Variants in MYH8 observed in about 807,000 individuals in gnomAD.
The protein encoded by MYH8 is myosin heavy chain 8, also known as myosin-8.
MYH8 carries 168 observed loss-of-function variants against 233.2 expected under a neutral mutation model. The observed-to-expected ratio is 0.72, with a 90% confidence interval of 0.64 to 0.82. The LOEUF is 0.82. Ranked by LOEUF, MYH8 falls within the 40% of genes least tolerant of loss-of-function variation. The pLI is 0.00. For synonymous variants in MYH8, 785 were observed against 850.6 expected (o/e 0.92, Z 1.34); for missense variants, 1,995 against 2,327.8 (o/e 0.86, Z 2.94).
Position 10,392,526 on chromosome 17 carries a change from A to T in MYH8, c.5568+16T>A. On this transcript the variant is annotated intron_variant, in intron 38 of 39. Transcript: ENST00000403437. Reference sequence around the variant, plus strand: ...GGGCAGGAAGAGTGGATATTCTGGAAGGCTATTCCCTTTACCTGGTAGGTG... The same window carrying T: ...GGGCAGGAAGAGTGGATATTCTGGATGGCTATTCCCTTTACCTGGTAGGTG... 6.2e-7 allele frequency: 1 copy of T among 1,605,672 alleles called. No individual in the cohort carries two copies. Among genetic ancestry groups the T allele is most frequent in the Non-Finnish European group, 8.5e-7 (1 of 1,172,306 alleles).
chr17:10,415,262 G>T lies in MYH8; in HGVS notation c.741+30C>A. On this transcript the variant is annotated intron_variant, in intron 8 of 39. Transcript: ENST00000403437. This position sits in a 1 kb window ranked among gnomAD's most constrained non-coding sequence, Gnocchi z 4.1. ...TAATAATTCAGACGTGGCTACTCTG[G>T]AAGTTAGGGGTTGAGACCAAGAGAC... is the stretch of plus-strand genomic sequence containing the variant. The T allele has an allele frequency of 6.2e-7, 1 of 1,608,020 alleles. No individual in the cohort carries two copies. The highest frequency in any genetic ancestry group is 8.5e-7 in the Non-Finnish European group (1 of 1,174,450).
At position 10,400,756 on chromosome 17, in the gene MYH8, T is replaced by C. The variant is rs2072132486; in HGVS notation, c.3369A>G (p.Glu1123=). 1 of 1,614,182 alleles carries C rather than the reference T, an allele frequency of 6.2e-7. No homozygotes were observed. The highest frequency in any genetic ancestry group is 1.3e-5 in the African/African-American group (1 of 75,058). Residue 1123 remains glutamate (E), a synonymous_variant, in exon 27 of 40, where the codon GAA becomes GAG. Coordinates refer to ENST00000403437, the MANE Select transcript of MYH8 (RefSeq NM_002472.3). The surrounding 1 kb of genome is among the most constrained non-coding windows in gnomAD (Gnocchi z 4.0). The part of the protein sequence containing the change: ...ELQARIEELG[E]EIEAERASRA... ...GGGACGCCCTCTCTGCCTCGATTTC[T>C]TCCCCCAGCTCCTCAATGCGGGCCT...
chr17:10,391,941 C>T lies in MYH8; in HGVS notation c.5605G>A (p.Asp1869Asn). Residue 1869 changes from aspartate (D) to asparagine (N), a missense_variant, in exon 39 of 40, where the codon GAC becomes AAC. Transcript: ENST00000403437. ...TTCGCCTGTAATTTATCTACCAAGT[C>T]CTGCAGCCTGAGAACATTCTTGCGA... The part of the protein sequence containing the change: ...EDRKNVLRLQ[D>N]LVDKLQAKVK... 1 of 1,614,178 alleles carries T rather than the reference C, an allele frequency of 6.2e-7. No individual in the cohort carries two copies.
intron 22 of MYH8, 54 bp downstream of exon 22, chr17:10,404,276 T>A (rs1188333976): frequency 2.5e-6 from 4 of 1,609,810 alleles, no homozygotes; most frequent in Non-Finnish European, 2.5e-6. Flanking sequence ...AAAGTATATG[T>A]GTGTTTCAAA....
At position 10,409,676 on chromosome 17, in the gene MYH8, A is replaced by T. The variant is rs1404627607; in HGVS notation, c.1588-88T>A. The T allele has an allele frequency of 3.3e-6, 5 of 1,523,492 alleles. No individual in the cohort carries two copies. In the African/African-American group the frequency reaches 6.8e-5, roughly 21 times the overall value. The allele number at this position is 1,523,492 out of a possible 1,614,324, so 94.4% of individuals were successfully genotyped here. ...GCTGTCATTTGATTGAATTATGAGC[A>T]CCCCAATTAAATATATGTATGAAAT... On this transcript the variant is annotated intron_variant, in intron 15 of 39. Transcript: ENST00000403437.
At chr17:10,393,235 T>G (rs1481031142) in intron 35 of MYH8, 25 bp from the exon 36 acceptor site, 7 of 1,614,062 alleles carry the variant, frequency 4.3e-6, no homozygotes, top group Non-Finnish European at 5.1e-6. Context: ...CGTGGAAATT[T>G]ACAAAATTTG....
intron 21 of MYH8, among the ~76,000 whole-genome samples, chr17:10,404,886 T>C (rs1394601451): frequency 6.6e-6 from 1 of 152,134 alleles, no homozygotes; most frequent in African/African-American, 2.4e-5. Flanking sequence ...AGAGTGACTT[T>C]AGGGGTGAAT....
rs376148823 is a variant in MYH8 at position 10,414,173 on chromosome 17, A to G, written c.1008+19T>C. The G allele has an allele frequency of 8.1e-6, 13 of 1,611,978 alleles. No homozygotes were observed. Among genetic ancestry groups the G allele is most frequent in the Middle Eastern group, 1.6e-4 (1 of 6,084 alleles). ...TTTCCATACATAATGGATTTTTAAA[A>G]TTAGTGTTTTTGACTTACATCAGTG... On this transcript the variant is annotated intron_variant, in intron 11 of 39. Transcript: ENST00000403437.
In MYH8 at chr17:10,404,579, T is replaced by C. The variant is rs1317249599; in HGVS notation, c.2439A>G (p.Ala813=). 6.8e-6 allele frequency: 11 copies of C among 1,613,884 alleles called. No individual in the cohort carries two copies. The highest frequency in any genetic ancestry group is 9.3e-6 in the Non-Finnish European group (11 of 1,179,880). Residue 813 remains alanine (A), a synonymous_variant, in exon 22 of 40, where the codon GCA becomes GCG. Coordinates refer to ENST00000403437, the MANE Select transcript of MYH8 (RefSeq NM_002472.3). ...GGACATTATACTGGATGCAGAAAAGTGCTTCTCTGCGATGACATGAAAATA... is the reference window on the plus strand; with the variant it reads ...GGACATTATACTGGATGCAGAAAAGCGCTTCTCTGCGATGACATGAAAATA... The part of the protein sequence containing the change: ...EYQKMLQRRE[A]LFCIQYNVRA...
chr17:10,402,376 G>A (rs563813280), intron 22 of MYH8, among the ~76,000 whole-genome samples: 2 of 152,198 alleles, frequency 1.3e-5, no homozygotes, highest in African/African-American at 4.8e-5. Flanking sequence ...CTTCCTGGTA[G>A]TTCATACAGT....
At position 10,406,483 on chromosome 17, in the gene MYH8, T is replaced by G. The variant is rs1218060610; in HGVS notation, c.2172-86A>C. 3.2e-6 allele frequency: 5 copies of G among 1,574,650 alleles called. No individual in the cohort carries two copies. The African/African-American group carries it at 5.4e-5, about 17-fold the overall frequency. On this transcript the variant is annotated intron_variant, in intron 19 of 39. Coordinates refer to ENST00000403437, the MANE Select transcript of MYH8 (RefSeq NM_002472.3). ...CACCAAAAAGAAATATCAACAAACA[T>G]CTGAGAGTAGAAATAAAAGTGGAAA...
chr17:10,400,502 T>G lies in MYH8; in HGVS notation c.3623A>C (p.Glu1208Ala). 2 of 1,614,192 alleles carry G rather than the reference T, an allele frequency of 1.2e-6. No individual in the cohort carries two copies. Among genetic ancestry groups the G allele is most frequent in the Non-Finnish European group, 1.7e-6 (2 of 1,180,038 alleles). ...KHADSMAELG[E>A]QIDNLQRVKQ... ...GACCCGCTGCAAGTTGTCAATCTGC[T>G]CCCCAAGCTCAGCCATACTGTCTGC... Residue 1208 changes from glutamate to alanine, a missense_variant, in exon 27 of 40, where the codon GAG (glutamate) becomes GCG (alanine). Physicochemically the swap from Glu to Ala is moderately radical, Grantham distance 107. This residue lies in a region of MYH8 where 1,498 missense variants were observed against 1,680.9 expected (regional missense o/e 0.89). Coordinates refer to ENST00000403437, the MANE Select transcript of MYH8 (RefSeq NM_002472.3). The surrounding 1 kb of genome is among the most constrained non-coding windows in gnomAD (Gnocchi z 4.0).
rs369923394 is a variant in MYH8 at position 10,398,533 on chromosome 17, C to T, written c.4089G>A (p.Ala1363=). 3.7e-6 allele frequency: 6 copies of T among 1,614,154 alleles called. No individual in the cohort carries two copies. Among genetic ancestry groups the T allele is most frequent in the Admixed American group, 1.7e-5 (1 of 60,022 alleles). ...EQEGKAELQR[A]LSKANSEVAQ... ...CAACCTCACTGTTGGCCTTGGACAG[C>T]GCCCTCTGCAGCTCAGCTTTGCCTT... is the stretch of plus-strand genomic sequence containing the variant. The change falls in exon 30 of 40, where the codon GCG becomes GCA. Residue 1363 remains alanine, a synonymous_variant. Coordinates refer to ENST00000403437, the MANE Select transcript of MYH8 (RefSeq NM_002472.3).
At chr17:10,406,001 TA>T (rs2072188937) in intron 21 of MYH8, 39 bp downstream of exon 21, 1 of 1,609,022 alleles carries the variant, frequency 6.2e-7, no homozygotes, top group Admixed American at 1.7e-5. Flanking sequence ...TGATAGTCCT[TA>T]AGGGACCTTA....
At chr17:10,410,503 A>G (rs2072234798) in intron 15 of MYH8, among the ~76,000 whole-genome samples, 1 of 152,228 alleles carries the variant, frequency 6.6e-6, no homozygotes, top group Admixed American at 6.5e-5. Flanking sequence ...CAGTAGTTGT[A>G]GTAAAGCAGA....
chr17:10,391,906 T>C lies in MYH8; in HGVS notation c.5640A>G (p.Ser1880=), dbSNP rs538421855. 6.2e-6 allele frequency: 10 copies of C among 1,614,134 alleles called. No individual in the cohort carries two copies. In the African/African-American group the frequency reaches 1.2e-4, roughly 19 times the overall value. The change falls in exon 39 of 40, where the codon TCA becomes TCG. Residue 1880 remains serine, a synonymous_variant. Transcript: ENST00000403437. ...LVDKLQAKVK[S]YKRQAEEAEE... Reference sequence around the variant, plus strand: ...CAGCCTCCTCAGCTTGTCTCTTGTATGATTTCACCTTCGCCTGTAATTTAT... The same window carrying C: ...CAGCCTCCTCAGCTTGTCTCTTGTACGATTTCACCTTCGCCTGTAATTTAT...
At chr17:10,414,634 C>A (rs2072273872) in intron 9 of MYH8, 150 bp from the exon 10 acceptor site, 7 of 675,656 alleles carry the variant, frequency 1.0e-5, no homozygotes, top group South Asian at 1.7e-5. Flanking sequence ...GACAGTGATT[C>A]TCACTGTCTA....
chr17:10,411,492 C>T lies in MYH8; in HGVS notation c.1417-545G>A, dbSNP rs566909501. ...AATTCTGGTAGAATTTACCTTTTCT[C>T]CTCTAAGATTGCATGGGCAAGAATA... On this transcript the variant is annotated intron_variant, in intron 14 of 39. Transcript: ENST00000403437. 2.6e-4 allele frequency among the ~76,000 whole-genome samples: 39 copies of T among 152,276 alleles called. 1 individual carries two copies. In the South Asian group the frequency reaches 7.9e-3, roughly 31 times the overall value.
intron 34 of MYH8, among the ~76,000 whole-genome samples, chr17:10,394,823 G>A (rs1411890820): frequency 6.6e-6 from 1 of 152,168 alleles, no homozygotes; most frequent in African/African-American, 2.4e-5. Context: ...GGTTCTGAGA[G>A]GTTAAGTAAT....
Sources: gnomAD v4.1 joint callset for allele counts (sites outside exome capture counted in the v4.1 genomes callset) on GRCh38, gnomAD v4.1.1 for gene constraint, gnomAD v4.1.1 regional missense constraint, Gnocchi (gnomAD v3.1) non-coding constraint, MANE v1.5 for transcripts, NCBI Gene and HGNC (gene_info 2026-07-23, HGNC 2026-07-21) for gene names.